DRC11: variants seen among roughly 807,000 people sequenced by gnomAD.
DRC11 encodes dynein regulatory complex subunit 11, also known as IQ and AAA domain-containing protein 1.
the DRC11 span, among the ~76,000 whole-genome samples, chr2:236,494,953 T>G: frequency 6.6e-6 from 1 of 152,236 alleles, no homozygotes; most frequent in Admixed American, 6.5e-5. This position sits in a 1 kb window ranked among gnomAD's most constrained non-coding sequence, Gnocchi z 4.2. Context: ...TGTGATTTTA[T>G]TTATTAACAA....
chr2:236,494,993 T>C, the DRC11 span, among the ~76,000 whole-genome samples: 2 of 152,208 alleles, frequency 1.3e-5, no homozygotes, highest in African/African-American at 4.8e-5. The surrounding 1 kb of genome is among the most constrained non-coding windows in gnomAD (Gnocchi z 4.2). Context: ...TTTTATAACT[T>C]TGAAGACAAA....
chr2:236,310,476 T>C, the DRC11 span, among the ~76,000 whole-genome samples: 2 of 152,194 alleles, frequency 1.3e-5, no homozygotes, highest in African/African-American at 4.8e-5. The surrounding 1 kb of genome is among the most constrained non-coding windows in gnomAD (Gnocchi z 5.5). Context: ...TTCCCCTGTG[T>C]ATGTGTGAGT....
chr2:236,314,014 C>T, the DRC11 span, among the ~76,000 whole-genome samples: 110 of 152,146 alleles, frequency 7.2e-4, 1 homozygote, highest in Non-Finnish European at 1.3e-3. This position sits in a 1 kb window ranked among gnomAD's most constrained non-coding sequence, Gnocchi z 4.5. Context: ...GATACACAAA[C>T]CTGAAAAGAT....
At chr2:236,504,200 G>C in the DRC11 span, among the ~76,000 whole-genome samples, 6 of 126,014 alleles carry the variant, frequency 4.8e-5, no homozygotes, top group African/African-American at 1.3e-4. This position sits in a 1 kb window ranked among gnomAD's most constrained non-coding sequence, Gnocchi z 5.0. Flanking sequence ...ACACGGCGGT[G>C]GGGGGGGGCG....
chr2:236,394,344 T>C, the DRC11 span, among the ~76,000 whole-genome samples: 2 of 151,476 alleles, frequency 1.3e-5, no homozygotes, highest in South Asian at 4.2e-4. The surrounding 1 kb of genome is among the most constrained non-coding windows in gnomAD (Gnocchi z 7.0). Context: ...TCAAAAAGAG[T>C]GGGTTGGGCC....
chr2:236,469,010 CTTTGA>C, the DRC11 span, among the ~76,000 whole-genome samples: 1 of 152,080 alleles, frequency 6.6e-6, no homozygotes, highest in Non-Finnish European at 1.5e-5. The surrounding 1 kb of genome is among the most constrained non-coding windows in gnomAD (Gnocchi z 5.8). Flanking sequence ...GAGCAGGTGA[CTTTGA>C]TTTGTGTCTT....
At chr2:236,387,714 G>C in the DRC11 span, among the ~76,000 whole-genome samples, 2,580 of 151,566 alleles carry the variant, frequency 0.017, 87 homozygotes, top group African/African-American at 0.059. Flanking sequence ...TATGACGTTA[G>C]CTGGTTATTT....
the DRC11 span, among the ~76,000 whole-genome samples, chr2:236,505,438 C>A: frequency 6.6e-6 from 1 of 152,280 alleles, no homozygotes; most frequent in African/African-American, 2.4e-5. Flanking sequence ...TACGGAAGGC[C>A]TGTCTCTGCT....
chr2:236,432,908 G>GT, the DRC11 span, among the ~76,000 whole-genome samples: 2 of 151,872 alleles, frequency 1.3e-5, no homozygotes, highest in Non-Finnish European at 1.5e-5. Context: ...TGTTTTATAC[G>GT]TAAGTGTTTG....
chr2:236,459,594 C>CGTATATATGT, the DRC11 span, among the ~76,000 whole-genome samples: 60 of 98,600 alleles, frequency 6.1e-4, no homozygotes, highest in African/African-American at 9.9e-4. Flanking sequence ...TATACGTATA[C>CGTATATATGT]GTATACATAT....
At chr2:236,354,708 A>C in the DRC11 span, among the ~76,000 whole-genome samples, 1 of 152,122 alleles carries the variant, frequency 6.6e-6, no homozygotes, top group Non-Finnish European at 1.5e-5. Context: ...CTGATACACA[A>C]CACCTGCGGA....
At chr2:236,312,865 A>G in the DRC11 span, among the ~76,000 whole-genome samples, 1 of 152,100 alleles carries the variant, frequency 6.6e-6, no homozygotes, top group Non-Finnish European at 1.5e-5. Context: ...TAAAAATAGG[A>G]CACTATTTCA....
At chr2:236,399,365 C>T in the DRC11 span, 2 of 1,455,044 alleles carry the variant, frequency 1.4e-6, no homozygotes, top group Non-Finnish European at 9.7e-7. This position sits in a 1 kb window ranked among gnomAD's most constrained non-coding sequence, Gnocchi z 7.0. Context: ...ATGGGGTTCC[C>T]AGCACGTGCT....
the DRC11 span, chr2:236,331,660 CCT>C: frequency 8.0e-7 from 1 of 1,249,086 alleles, no homozygotes; most frequent in Non-Finnish European, 1.1e-6. This position sits in a 1 kb window ranked among gnomAD's most constrained non-coding sequence, Gnocchi z 4.8. Context: ...TGCCAGTTTC[CCT>C]CTCGGTTGAA....
chr2:236,368,586 G>C, the DRC11 span: 4 of 261,338 alleles, frequency 1.5e-5, no homozygotes, highest in Non-Finnish European at 2.9e-5. Context: ...TTTGAATATA[G>C]AGTTATGTGA....
chr2:236,411,491 T>C, the DRC11 span, among the ~76,000 whole-genome samples: 1 of 152,084 alleles, frequency 6.6e-6, no homozygotes, highest in Non-Finnish European at 1.5e-5. Flanking sequence ...AGTGTGGCAA[T>C]TTCTCAGGGA....
chr2:236,409,718 C>T, the DRC11 span, among the ~76,000 whole-genome samples: 4 of 152,000 alleles, frequency 2.6e-5, no homozygotes, highest in Admixed American at 6.5e-5. Flanking sequence ...CAGTTTTTGC[C>T]CATTCAGTAT....
the DRC11 span, among the ~76,000 whole-genome samples, chr2:236,461,788 C>T: frequency 6.6e-6 from 1 of 152,180 alleles, no homozygotes; most frequent in African/African-American, 2.4e-5. The surrounding 1 kb of genome is among the most constrained non-coding windows in gnomAD (Gnocchi z 4.0). Context: ...GCTTACACAG[C>T]TATTTTGTGG....
chr2:236,456,722 A>G, the DRC11 span, among the ~76,000 whole-genome samples: 2 of 152,236 alleles, frequency 1.3e-5, 1 homozygote, highest in South Asian at 4.1e-4. The surrounding 1 kb of genome is among the most constrained non-coding windows in gnomAD (Gnocchi z 5.4). Flanking sequence ...GGAGTGGGGT[A>G]GAGGGTGGGT....
Sources: allele counts gnomAD v4.1 joint callset (sites outside exome capture counted in the v4.1 genomes callset), GRCh38; gene constraint gnomAD v4.1.1; non-coding constraint Gnocchi (gnomAD v3.1); transcripts MANE v1.5; gene names NCBI Gene and HGNC (gene_info 2026-07-23, HGNC 2026-07-21).